CSNK1E: variants seen among roughly 807,000 people sequenced by gnomAD.
The protein encoded by CSNK1E is casein kinase 1 epsilon.
In CSNK1E, 17 loss-of-function variants were observed where a neutral mutation model predicts 46.1. That is an observed-to-expected ratio of 0.37 (90% CI 0.25 to 0.55). CSNK1E has a LOEUF of 0.55. Ranked by LOEUF, CSNK1E falls within the 20% of genes least tolerant of loss-of-function variation. The pLI is 0.82. For synonymous variants in CSNK1E, 241 were observed against 242.6 expected (o/e 0.99, Z 0.06); for missense variants, 386 against 595.4 (o/e 0.65, Z 3.66).
intron 9 of CSNK1E, 118 bp from the exon 10 acceptor site, chr22:38,293,437 G>A: frequency 1.5e-6 from 1 of 667,128 alleles, no homozygotes; most frequent in Non-Finnish European, 2.6e-6. Flanking sequence ...CTGAGGAGGT[G>A]TACCCCCACC....
intron 2 of CSNK1E, among the ~76,000 whole-genome samples, chr22:38,305,777 C>A (rs2092695993): frequency 6.6e-6 from 1 of 152,188 alleles, no homozygotes; most frequent in Non-Finnish European, 1.5e-5. Context: ...AGATAACACA[C>A]CTGTCTGTCG....
rs1183170961 is a variant in CSNK1E at position 38,303,805 on chromosome 22, A to G, written c.77-557T>C. 6.6e-6 allele frequency among the ~76,000 whole-genome samples: 1 copy of G among 152,092 alleles called. No individual in the cohort carries two copies. Among genetic ancestry groups the G allele is most frequent in the South Asian group, 2.1e-4 (1 of 4,826 alleles). ...TTCGATTCTCAACCCCCTTGTAGAG[A>G]TGAGAAAACAGAGACCCAGCTAGAG... On this transcript the variant is annotated intron_variant, in intron 2 of 10. Transcript: ENST00000396832. This position sits in a 1 kb window ranked among gnomAD's most constrained non-coding sequence, Gnocchi z 4.7.
Position 38,300,176 on chromosome 22 carries a change from G to T in CSNK1E, c.566-111C>A. 1 of 1,006,602 alleles carries T rather than the reference G, an allele frequency of 9.9e-7. No individual in the cohort carries two copies. 62.4% of individuals were successfully genotyped at this position (1,006,602 alleles called of 1,614,324 possible). A position where few individuals can be genotyped will look rare whatever the true frequency, so the allele number is the denominator to read the frequency against. ...ACCAGGACCCTCCTGCCCCCACGTCGGATGTTGCTCACTGCACGCATTTTA... is the reference window on the plus strand; with the variant it reads ...ACCAGGACCCTCCTGCCCCCACGTCTGATGTTGCTCACTGCACGCATTTTA... On this transcript the variant is annotated intron_variant, in intron 5 of 10. Coordinates refer to ENST00000396832, the MANE Select transcript of CSNK1E (RefSeq NM_152221.3). This position sits in a 1 kb window ranked among gnomAD's most constrained non-coding sequence, Gnocchi z 4.4.
intron 2 of CSNK1E, among the ~76,000 whole-genome samples, chr22:38,307,150 G>A (rs1205302448): frequency 6.6e-6 from 1 of 151,818 alleles, no homozygotes; most frequent in Non-Finnish European, 1.5e-5. Context: ...CAGCCTGGGT[G>A]ACAGAGCAAG....
chr22:38,294,251 G>GGAGGGAGAGT lies in CSNK1E; in HGVS notation c.1079-13_1079-4dup. On this transcript the variant is annotated splice_polypyrimidine_tract_variant and splice_region_variant and intron_variant, in intron 8 of 10. Coordinates refer to ENST00000396832, the MANE Select transcript of CSNK1E (RefSeq NM_152221.3). This position sits in a 1 kb window ranked among gnomAD's most constrained non-coding sequence, Gnocchi z 5.5. ...GATCGCTCTGGGAGAAGTATTGCCT[G>GGAGGGAGAGT]GAGGGAGAGTGGGAAGCCACCCTCA... The GGAGGGAGAGT allele has an allele frequency of 6.2e-7, 1 of 1,611,200 alleles. No individual in the cohort carries two copies. The highest frequency in any genetic ancestry group is 8.5e-7 in the Non-Finnish European group (1 of 1,179,468).
Position 38,291,370 on chromosome 22 carries a change from G to A in CSNK1E, c.*601C>T, listed in dbSNP as rs940263634. 2 of 152,010 alleles carry A rather than the reference G, an allele frequency of 1.3e-5. No homozygotes were observed. The highest frequency in any genetic ancestry group is 4.9e-5 in the African/African-American group (2 of 40,916). The allele number at this position is 152,010 out of a possible 1,614,324, so 9.4% of individuals were successfully genotyped here. ...CACACACACACACACACACGCAGGG[G>A]ACGCCGGCCCCCACCACCTCCCCAC... On this transcript the variant is annotated 3_prime_UTR_variant, in exon 11 of 11. Transcript: ENST00000396832.
At chr22:38,313,965 G>T in intron 2 of CSNK1E, 117 bp downstream of exon 2, 1 of 958,536 alleles carries the variant, frequency 1.0e-6, no homozygotes, top group Non-Finnish European at 1.6e-6. Context: ...TGGCCCTGGG[G>T]CAAATCATGC....
At position 38,300,574 on chromosome 22, in the gene CSNK1E, A is replaced by T; in HGVS notation, c.565+150T>A. On this transcript the variant is annotated intron_variant, in intron 5 of 10. Transcript: ENST00000396832. The surrounding 1 kb of genome is among the most constrained non-coding windows in gnomAD (Gnocchi z 4.4). ...CCCGACTGTGCAAGGACACGGAATA[A>T]GCACGAGCTTGGGGGCAGACGGGGT... 3 of 743,710 alleles carry T rather than the reference A, an allele frequency of 4.0e-6. No individual in the cohort carries two copies. The South Asian group carries it at 5.5e-5, about 14-fold the overall frequency. 46.1% of individuals were successfully genotyped at this position (743,710 alleles called of 1,614,324 possible).
At chr22:38,304,235 A>C (rs765760598) in intron 2 of CSNK1E, among the ~76,000 whole-genome samples, 1 of 152,184 alleles carries the variant, frequency 6.6e-6, no homozygotes, top group African/African-American at 2.4e-5. Context: ...CAGCCTCAGG[A>C]GGAGTTCAAG....
rs1239547224 is a variant in CSNK1E, at chr22:38,303,868, T to C, written c.77-620A>G. 1.3e-5 allele frequency among the ~76,000 whole-genome samples: 2 copies of C among 152,166 alleles called. No homozygotes were observed. Among genetic ancestry groups the C allele is most frequent in the African/African-American group, 4.8e-5 (2 of 41,432 alleles). On this transcript the variant is annotated intron_variant, in intron 2 of 10. Transcript: ENST00000396832. The surrounding 1 kb of genome is among the most constrained non-coding windows in gnomAD (Gnocchi z 4.7). The stretch of plus-strand genomic sequence containing the variant: ...GTCACCTGACCTGTAAATGGCGGCC[T>C]TGAGATCAACCCCGGCTCTGCTGGC...
intron 2 of CSNK1E, among the ~76,000 whole-genome samples, chr22:38,304,842 GGCCAGGCAC>G (rs1569080097): frequency 6.6e-6 from 1 of 152,204 alleles, no homozygotes; most frequent in Non-Finnish European, 1.5e-5. Flanking sequence ...TTCTACCCGA[GGCCAGGCAC>G]AGTGGCTCAC....
intron 2 of CSNK1E, among the ~76,000 whole-genome samples, chr22:38,310,866 G>A (rs1321787614): frequency 2.0e-5 from 3 of 152,256 alleles, no homozygotes; most frequent in Admixed American, 2.0e-4. Flanking sequence ...CCCTGGCAGA[G>A]CACTGGGGAT....
rs770105136 is a variant in CSNK1E, at chr22:38,303,409, G to A, written c.77-161C>T. On this transcript the variant is annotated intron_variant, in intron 2 of 10. Coordinates refer to ENST00000396832, the MANE Select transcript of CSNK1E (RefSeq NM_152221.3). This position sits in a 1 kb window ranked among gnomAD's most constrained non-coding sequence, Gnocchi z 4.7. The stretch of plus-strand genomic sequence containing the variant: ...GCTGGGAAGGGGGCAAAGGAGCCCC[G>A]GCAAAGGGTTCCTGAGGGGAAAGAA... Among the ~76,000 whole-genome samples, 61 of 152,210 alleles carry A rather than the reference G, an allele frequency of 4.0e-4. No individual in the cohort carries two copies. Among genetic ancestry groups the A allele is most frequent in the African/African-American group, 1.4e-3 (57 of 41,454 alleles).
At chr22:38,297,527 C>T (rs995729766) in intron 7 of CSNK1E, 2 of 1,011,772 alleles carry the variant, frequency 2.0e-6, no homozygotes, top group Admixed American at 5.4e-5. Context: ...CCTTGGCTTC[C>T]AGGAGAACAG....
At chr22:38,314,736 G>A (rs2092736214) in intron 1 of CSNK1E, among the ~76,000 whole-genome samples, 6 of 152,172 alleles carry the variant, frequency 3.9e-5, no homozygotes. Flanking sequence ...TTAAGACTAG[G>A]AGGGTCTCCT....
intron 7 of CSNK1E, among the ~76,000 whole-genome samples, chr22:38,295,077 G>A (rs1046275853): frequency 9.9e-5 from 15 of 152,190 alleles, no homozygotes; most frequent in Admixed American, 7.2e-4. Flanking sequence ...CTTCTCATCA[G>A]GGAGCTGTCC....
chr22:38,296,702 A>G, intron 7 of CSNK1E: 1 of 1,610,110 alleles, frequency 6.2e-7, no homozygotes, highest in Non-Finnish European at 8.5e-7. Context: ...TGGAAAAGAG[A>G]TCTTGCTGGC....
rs5750586 is a variant in CSNK1E, at chr22:38,309,205, C to T, written c.76+4877G>A. Among the ~76,000 whole-genome samples the T allele has an allele frequency of 6.6e-6, 1 of 152,190 alleles. No individual in the cohort carries two copies. Among genetic ancestry groups the T allele is most frequent in the Non-Finnish European group, 1.5e-5 (1 of 68,040 alleles). ...CCCTGTTGAGGCTACCTGGTGGATA[C>T]GAAAGGGCTGGAGGAGGCTAGAGGG... On this transcript the variant is annotated intron_variant, in intron 2 of 10. Coordinates refer to ENST00000396832, the MANE Select transcript of CSNK1E (RefSeq NM_152221.3). The surrounding 1 kb of genome is among the most constrained non-coding windows in gnomAD (Gnocchi z 4.8).
At chr22:38,296,877 C>T (rs960871303) in intron 7 of CSNK1E, 17 of 660,754 alleles carry the variant, frequency 2.6e-5, no homozygotes, top group African/African-American at 1.6e-4. Context: ...TGGGTTCAAG[C>T]GATTCTCCTG....
Sources: gnomAD v4.1 joint callset for allele counts (sites outside exome capture counted in the v4.1 genomes callset) on GRCh38, gnomAD v4.1.1 for gene constraint, Gnocchi (gnomAD v3.1) non-coding constraint, MANE v1.5 for transcripts, NCBI Gene and HGNC (gene_info 2026-07-23, HGNC 2026-07-21) for gene names.